WWOX: variants seen among roughly 807,000 people sequenced by gnomAD.
The protein encoded by WWOX is WW domain containing oxidoreductase.
In WWOX, 69 loss-of-function variants were observed where a neutral mutation model predicts 46.2. That is an observed-to-expected ratio of 1.49 (90% CI 1.23 to 1.82). The LOEUF (loss-of-function observed/expected upper bound fraction) is 1.82, where lower values mean the gene tolerates loss of function less well. Ranked by LOEUF, WWOX falls within the 40% of genes most tolerant of loss-of-function variation. The probability of loss-of-function intolerance (pLI) is 0.00; values close to 1 mark genes in which losing one functional copy is unlikely to be tolerated. For synonymous variants in WWOX, 359 were observed against 202.6 expected (o/e 1.77, Z -6.56); for missense variants, 919 against 542.6 (o/e 1.69, Z -6.89).
In WWOX at chr16:78,419,237, G is replaced by A. The variant is rs140862903; in HGVS notation, c.606-5633G>A. On this transcript the variant is annotated intron_variant, in intron 6 of 8. Transcript: ENST00000566780. Reference sequence around the variant, plus strand: ...TCTGCAAATTGTGTACAAATTTAGTGCAATCTCTATTAAAATTTCAGTTGA... The same window carrying A: ...TCTGCAAATTGTGTACAAATTTAGTACAATCTCTATTAAAATTTCAGTTGA... Among the ~76,000 whole-genome samples the A allele has an allele frequency of 8.1e-3, 1,236 of 152,214 alleles. 14 individuals are homozygous for A. The highest frequency in any genetic ancestry group is 0.018 in the South Asian group (89 of 4,826).
intron 8 of WWOX, among the ~76,000 whole-genome samples, chr16:79,043,974 C>A (rs1468282717): frequency 6.6e-6 from 1 of 152,168 alleles, no homozygotes; most frequent in Non-Finnish European, 1.5e-5. Flanking sequence ...GTCCTTGTGG[C>A]CAGGGACAAT....
At chr16:79,209,945 G>A (rs1246254845) in intron 8 of WWOX, among the ~76,000 whole-genome samples, 2 of 152,182 alleles carry the variant, frequency 1.3e-5, no homozygotes, top group African/African-American at 2.4e-5. Context: ...AAAAGAAACA[G>A]CTGAATCCAG....
At chr16:78,561,690 A>G (rs2044440921) in intron 8 of WWOX, among the ~76,000 whole-genome samples, 2 of 152,176 alleles carry the variant, frequency 1.3e-5, no homozygotes, top group African/African-American at 2.4e-5. Context: ...GAAGATATAA[A>G]CTGCAAAGAA....
chr16:78,431,227 T>G (rs1343837088), intron 7 of WWOX, among the ~76,000 whole-genome samples: 1 of 152,220 alleles, frequency 6.6e-6, no homozygotes, highest in Non-Finnish European at 1.5e-5. Context: ...TTACGTTGAT[T>G]TGTGTACATC....
At chr16:78,176,601 T>A (rs2035355259) in intron 5 of WWOX, among the ~76,000 whole-genome samples, 1 of 152,230 alleles carries the variant, frequency 6.6e-6, no homozygotes, top group African/African-American at 2.4e-5. Flanking sequence ...ACTAATTAAC[T>A]TTGATTATTG....
chr16:78,885,634 A>T (rs773376008), intron 8 of WWOX, among the ~76,000 whole-genome samples: 1 of 152,190 alleles, frequency 6.6e-6, no homozygotes, highest in Non-Finnish European at 1.5e-5. Flanking sequence ...TATTTGAGCA[A>T]GTTGCAATTT....
At chr16:78,423,213 C>A (rs2082992781) in intron 6 of WWOX, among the ~76,000 whole-genome samples, 1 of 152,072 alleles carries the variant, frequency 6.6e-6, no homozygotes, top group Non-Finnish European at 1.5e-5. Context: ...CATAACCTTT[C>A]TATCTCTTTC....
At chr16:78,798,026 C>G (rs2050789361) in intron 8 of WWOX, among the ~76,000 whole-genome samples, 1 of 152,070 alleles carries the variant, frequency 6.6e-6, no homozygotes, top group Admixed American at 6.6e-5. Flanking sequence ...TTCACTGGAG[C>G]TATGAGAAAT....
chr16:78,570,617 G>A (rs960130934), intron 8 of WWOX, among the ~76,000 whole-genome samples: 2 of 152,110 alleles, frequency 1.3e-5, no homozygotes, highest in Non-Finnish European at 2.9e-5. Flanking sequence ...CCCAGCTGCT[G>A]CAGTTACTCA....
chr16:79,013,238 A>C (rs550322582), intron 8 of WWOX, among the ~76,000 whole-genome samples: 1 of 152,110 alleles, frequency 6.6e-6, no homozygotes, highest in South Asian at 2.1e-4. Context: ...GCATCCTCCC[A>C]CAGGGTCGAG....
chr16:78,329,614 T>A (rs1337481970), intron 5 of WWOX, among the ~76,000 whole-genome samples: 1 of 152,232 alleles, frequency 6.6e-6, no homozygotes, highest in Non-Finnish European at 1.5e-5. Flanking sequence ...ATGTAAAATA[T>A]AGCAGTTTCC....
intron 8 of WWOX, among the ~76,000 whole-genome samples, chr16:78,974,039 A>G (rs372682746): frequency 3.3e-5 from 5 of 152,362 alleles, no homozygotes; most frequent in East Asian, 3.9e-4. Flanking sequence ...TGAATGTTTA[A>G]AATTCTTTTC....
chr16:78,640,014 C>T (rs1379477086), intron 8 of WWOX, among the ~76,000 whole-genome samples: 14 of 152,144 alleles, frequency 9.2e-5, no homozygotes, highest in Admixed American at 8.5e-4. Flanking sequence ...GTTTCATAGC[C>T]TGTGACCACA....
At chr16:78,396,959 A>AC (rs1295870473) in intron 6 of WWOX, among the ~76,000 whole-genome samples, 1 of 152,168 alleles carries the variant, frequency 6.6e-6, no homozygotes, top group Admixed American at 6.5e-5. Context: ...TGGCCCAGAG[A>AC]CCCTTTAAAT....
chr16:79,037,785 C>G (rs950782601), intron 8 of WWOX, among the ~76,000 whole-genome samples: 4 of 152,186 alleles, frequency 2.6e-5, no homozygotes, highest in African/African-American at 7.2e-5. Flanking sequence ...ACAAGGTCAT[C>G]TAGACATTTT....
intron 8 of WWOX, among the ~76,000 whole-genome samples, chr16:79,058,259 C>G (rs557333737): frequency 1.3e-5 from 2 of 152,178 alleles, no homozygotes; most frequent in South Asian, 2.1e-4. Context: ...TTCTTTGCAT[C>G]TCTGAGCCTC....
At chr16:78,350,253 C>G (rs1471798015) in intron 5 of WWOX, among the ~76,000 whole-genome samples, 1 of 121,270 alleles carries the variant, frequency 8.2e-6, no homozygotes, top group African/African-American at 2.8e-5. Flanking sequence ...TCTTAGCGAG[C>G]TGAAGTTTGT....
chr16:79,177,889 C>T (rs1230962898), intron 8 of WWOX, among the ~76,000 whole-genome samples: 1 of 152,180 alleles, frequency 6.6e-6, no homozygotes, highest in African/African-American at 2.4e-5. Flanking sequence ...TTATAAATAA[C>T]AGAAATGTAA....
At chr16:78,355,260 A>T (rs1416802155) in intron 5 of WWOX, among the ~76,000 whole-genome samples, 4 of 15,788 alleles carry the variant, frequency 2.5e-4, no homozygotes, top group African/African-American at 1.3e-3. Flanking sequence ...GTCTGTATAT[A>T]AAAAAAAAGT....
Sources: gnomAD v4.1 joint callset for allele counts (sites outside exome capture counted in the v4.1 genomes callset) on GRCh38, gnomAD v4.1.1 for gene constraint, MANE v1.5 for transcripts, NCBI Gene and HGNC (gene_info 2026-07-23, HGNC 2026-07-21) for gene names.